Variants in PARD3B observed in about 807,000 individuals in gnomAD.
The protein encoded by PARD3B is partitioning defective 3 homolog B.
PARD3B carries 103 observed loss-of-function variants against 130.2 expected under a neutral mutation model. The ratio of observed to expected loss-of-function variants is 0.79; its 90% CI spans 0.67 to 0.93. The LOEUF (loss-of-function observed/expected upper bound fraction) is 0.93, where lower values mean the gene tolerates loss of function less well. Among genes scored for constraint, PARD3B ranks in the 40% least tolerant of loss-of-function variants. The pLI is 0.00. For missense variants in PARD3B, 1,609 were observed against 1,499.2 expected (o/e 1.07, Z -1.21); for synonymous variants, 583 against 553.2 (o/e 1.05, Z -0.76).
intron 2 of PARD3B, among the ~76,000 whole-genome samples, chr2:204,954,697 G>C (rs1690084533): frequency 1.3e-5 from 2 of 152,198 alleles, no homozygotes; most frequent in Non-Finnish European, 2.9e-5. Context: ...TGACAGGCCA[G>C]GAGACAGGTA....
At chr2:205,126,367 A>G (rs1384883915) in intron 10 of PARD3B, among the ~76,000 whole-genome samples, 2 of 152,140 alleles carry the variant, frequency 1.3e-5, no homozygotes, top group East Asian at 1.9e-4. Context: ...CTCAAGTTCT[A>G]TCTATTGCAG....
In PARD3B at chr2:204,823,069, AT is replaced by A. The variant is rs1256925508; in HGVS notation, c.222+136790del. ...CTCTGGAAATACAAGGTAGTCTTGT[AT>A]TTACCTGTGTTCCTGTGCTGCAGAA... On this transcript the variant is annotated intron_variant, in intron 2 of 22. Transcript: ENST00000406610. 3.9e-5 allele frequency among the ~76,000 whole-genome samples: 6 copies of A among 152,194 alleles called. No homozygotes were observed. The East Asian group carries it at 9.7e-4, about 25-fold the overall frequency.
At chr2:204,852,270 A>C (rs1428784972) in intron 2 of PARD3B, among the ~76,000 whole-genome samples, 1 of 151,226 alleles carries the variant, frequency 6.6e-6, no homozygotes, top group Non-Finnish European at 1.5e-5. Context: ...TTTAATTTTC[A>C]TTATTGCCCT....
intron 16 of PARD3B, among the ~76,000 whole-genome samples, chr2:205,278,465 G>A (rs528474912): frequency 6.6e-6 from 1 of 152,208 alleles, no homozygotes; most frequent in South Asian, 2.1e-4. Flanking sequence ...AGACCATTTT[G>A]AGGTTGAGGA....
At chr2:205,383,166 T>C (rs759483517) in intron 18 of PARD3B, among the ~76,000 whole-genome samples, 8 of 73,060 alleles carry the variant, frequency 1.1e-4, no homozygotes, top group Non-Finnish European at 3.1e-4. Context: ...TCTACACATA[T>C]CTATATTTAC....
rs188099905 is a variant in PARD3B at position 205,018,166 on chromosome 2, G to A, written c.395-29415G>A. ...ATATGTCTACATATTTACCTTTAGCGTAATCTTTCCATGTAATACTCAGAT... is the reference window on the plus strand; with the variant it reads ...ATATGTCTACATATTTACCTTTAGCATAATCTTTCCATGTAATACTCAGAT... On this transcript the variant is annotated intron_variant, in intron 3 of 22. Coordinates refer to ENST00000406610, the MANE Select transcript of PARD3B (RefSeq NM_001302769.2). Among the ~76,000 whole-genome samples, 19 of 152,074 alleles carry A rather than the reference G, an allele frequency of 1.2e-4. No individual in the cohort carries two copies. In the South Asian group the frequency reaches 1.5e-3, roughly 12 times the overall value.
rs1260993918 is a variant in PARD3B, at chr2:205,021,781, A to G, written c.395-25800A>G. On this transcript the variant is annotated intron_variant, in intron 3 of 22. Transcript: ENST00000406610. The surrounding 1 kb of genome is among the most constrained non-coding windows in gnomAD (Gnocchi z 4.5). ...AGGTTAAGGAATTGGGTCTAGTAAT[A>G]TATCAAGTCAATGGCAGAAACACAG... 6.6e-6 allele frequency among the ~76,000 whole-genome samples: 1 copy of G among 152,130 alleles called. No homozygotes were observed. The highest frequency in any genetic ancestry group is 1.9e-4 in the East Asian group (1 of 5,192).
chr2:204,588,586 TC>T (rs559125174), intron 1 of PARD3B, among the ~76,000 whole-genome samples: 71 of 152,340 alleles, frequency 4.7e-4, no homozygotes, highest in African/African-American at 1.7e-3. Flanking sequence ...GTGTAATTGT[TC>T]CTAATCTTTA....
At chr2:204,651,083 A>G (rs915688364) in intron 1 of PARD3B, among the ~76,000 whole-genome samples, 2 of 152,120 alleles carry the variant, frequency 1.3e-5, no homozygotes, top group African/African-American at 4.8e-5. Flanking sequence ...GAGCCAAACC[A>G]TATTATTCTG....
chr2:204,961,995 G>C (rs1038960709), intron 2 of PARD3B, among the ~76,000 whole-genome samples: 10 of 152,160 alleles, frequency 6.6e-5, no homozygotes, highest in African/African-American at 2.2e-4. Flanking sequence ...AAAAAATGGG[G>C]TGGGACCTGT....
rs201949439 is a variant in PARD3B at position 205,301,489 on chromosome 2, C to G, written c.2418C>G (p.His806Gln). The G allele has an allele frequency of 9.0e-5, 145 of 1,612,688 alleles. No homozygotes were observed. Among genetic ancestry groups the G allele is most frequent in the Non-Finnish European group, 1.1e-4 (135 of 1,179,736 alleles). Residue 806 changes from histidine (H) to glutamine (Q), a missense_variant, in exon 18 of 23, where the codon CAC becomes CAG. By Grantham distance (24) the His-to-Gln change is conservative. Coordinates refer to ENST00000406610, the MANE Select transcript of PARD3B (RefSeq NM_001302769.2). The surrounding 1 kb of genome is among the most constrained non-coding windows in gnomAD (Gnocchi z 5.2). ...ACGGTCTGTCTGATAAGAGCTCTCA[C>G]TCTGGCCAAGGAGCTCTGAATTGTG... ...EADGLSDKSS[H>Q]SGQGALNCES...
intron 2 of PARD3B, among the ~76,000 whole-genome samples, chr2:204,717,042 A>G (rs973044965): frequency 1.3e-5 from 2 of 152,158 alleles, no homozygotes; most frequent in Non-Finnish European, 2.9e-5. Flanking sequence ...AATTTCATCC[A>G]TTCATATTTC....
chr2:204,888,310 T>C (rs909691143), intron 2 of PARD3B, among the ~76,000 whole-genome samples: 3 of 151,954 alleles, frequency 2.0e-5, no homozygotes, highest in Admixed American at 6.6e-5. Context: ...GAGTAAGATA[T>C]GCAGTAGACC....
chr2:205,532,748 G>C lies in PARD3B; in HGVS notation c.3181-20576G>C, dbSNP rs1417079274. ...AACTTCGCTAAGTTAGGATGAGTTTGCCTGGAGCCTAAGGAAGATCACTAA... is the reference window on the plus strand; with the variant it reads ...AACTTCGCTAAGTTAGGATGAGTTTCCCTGGAGCCTAAGGAAGATCACTAA... On this transcript the variant is annotated intron_variant, in intron 21 of 22. Transcript: ENST00000406610. 2.0e-5 allele frequency among the ~76,000 whole-genome samples: 3 copies of C among 152,170 alleles called. 1 individual carries two copies. Among genetic ancestry groups the C allele is most frequent in the Non-Finnish European group, 4.4e-5 (3 of 68,032 alleles).
At chr2:205,249,034 G>T (rs1487573735) in intron 16 of PARD3B, among the ~76,000 whole-genome samples, 11 of 111,300 alleles carry the variant, frequency 9.9e-5, no homozygotes, top group Non-Finnish European at 1.4e-4. Context: ...TTTTGAGACA[G>T]ATTCTCCCTG....
intron 4 of PARD3B, among the ~76,000 whole-genome samples, chr2:205,100,423 T>C (rs759372785): frequency 3.9e-5 from 6 of 152,058 alleles, no homozygotes; most frequent in Non-Finnish European, 8.8e-5. Context: ...TTGATCTATG[T>C]ATTCAATGCA....
rs145053004 is a variant in PARD3B at position 205,084,442 on chromosome 2, G to A, written c.505-19984G>A. ...ATTTGAATCCCTTTGTAAGGAACATGTCTTATTGCTGCACAGGGTTCAGAT... is the reference window on the plus strand; with the variant it reads ...ATTTGAATCCCTTTGTAAGGAACATATCTTATTGCTGCACAGGGTTCAGAT... On this transcript the variant is annotated intron_variant, in intron 4 of 22. Coordinates refer to ENST00000406610, the MANE Select transcript of PARD3B (RefSeq NM_001302769.2). Among the ~76,000 whole-genome samples the A allele has an allele frequency of 2.8e-4, 43 of 152,124 alleles. No homozygotes were observed. In the East Asian group the frequency reaches 6.9e-3, roughly 25 times the overall value.
chr2:204,699,233 C>T (rs2037765263), intron 2 of PARD3B, among the ~76,000 whole-genome samples: 1 of 152,092 alleles, frequency 6.6e-6, no homozygotes, highest in South Asian at 2.1e-4. Flanking sequence ...CCCTGGGCCC[C>T]TAAATGGGGC....
At chr2:204,902,748 T>C (rs1275033197) in intron 2 of PARD3B, among the ~76,000 whole-genome samples, 1 of 151,522 alleles carries the variant, frequency 6.6e-6, no homozygotes, top group Non-Finnish European at 1.5e-5. Context: ...TTAAAGGAAA[T>C]GTCCTATTTT....
Sources: gnomAD v4.1 joint callset for allele counts (sites outside exome capture counted in the v4.1 genomes callset) on GRCh38, gnomAD v4.1.1 for gene constraint, Gnocchi (gnomAD v3.1) non-coding constraint, MANE v1.5 for transcripts, NCBI Gene and HGNC (gene_info 2026-07-23, HGNC 2026-07-21) for gene names.